The following STXBP4 variants were observed in gnomAD, a reference collection of about 807,000 sequenced individuals.
The protein encoded by STXBP4 is syntaxin-binding protein 4.
In STXBP4, 55 loss-of-function variants were observed where a neutral mutation model predicts 76.1. That is an observed-to-expected ratio of 0.72 (90% CI 0.58 to 0.91). The LOEUF (loss-of-function observed/expected upper bound fraction) is 0.91, where lower values mean the gene tolerates loss of function less well. Ranked by LOEUF, STXBP4 falls within the 40% of genes least tolerant of loss-of-function variation. STXBP4 has a pLI of 0.00. For missense variants in STXBP4, 618 were observed against 636.9 expected (o/e 0.97, Z 0.32); for synonymous variants, 201 against 220.2 (o/e 0.91, Z 0.77).
At chr17:54,993,326 G>A (rs1452959545) in intron 4 of STXBP4, among the ~76,000 whole-genome samples, 1 of 152,166 alleles carries the variant, frequency 6.6e-6, no homozygotes, top group African/African-American at 2.4e-5. Context: ...AAAGGTGTAG[G>A]AGAAGAGGAC....
chr17:55,066,200 TTTG>T (rs1479516002), intron 12 of STXBP4, among the ~76,000 whole-genome samples: 2 of 74,674 alleles, frequency 2.7e-5, no homozygotes, highest in African/African-American at 1.0e-4. Flanking sequence ...GTTTTGTTGT[TTTG>T]TTTTGTTTTG....
chr17:55,078,740 G>T lies in STXBP4; in HGVS notation c.1355+5G>T. The stretch of plus-strand genomic sequence containing the variant: ...TACTCCTTTATCAAATTTAAGGTAA[G>T]AAAATTTAAGTGCTTTTTGCAGAAT... On this transcript the variant is annotated splice_donor_5th_base_variant and intron_variant, in intron 15 of 17. Coordinates refer to ENST00000376352, the MANE Select transcript of STXBP4 (RefSeq NM_178509.6). 1 of 1,477,158 alleles carries T rather than the reference G, an allele frequency of 6.8e-7. No individual in the cohort carries two copies. Among genetic ancestry groups the T allele is most frequent in the South Asian group, 1.2e-5 (1 of 86,596 alleles). 91.5% of individuals were successfully genotyped at this position (1,477,158 alleles called of 1,614,324 possible). A position where few individuals can be genotyped will look rare whatever the true frequency, so the allele number is the denominator to read the frequency against.
chr17:55,048,359 C>G (rs1441005448), intron 12 of STXBP4, among the ~76,000 whole-genome samples: 3 of 151,828 alleles, frequency 2.0e-5, no homozygotes. Context: ...TGCTCTTGAA[C>G]TAAGAACTTT....
intron 17 of STXBP4, among the ~76,000 whole-genome samples, chr17:55,158,642 G>A (rs889059893): frequency 1.3e-5 from 2 of 152,174 alleles, no homozygotes; most frequent in Non-Finnish European, 2.9e-5. Flanking sequence ...CCATTTCCTA[G>A]ACATACCCAA....
chr17:55,039,435 A>G (rs1037105278), intron 10 of STXBP4, among the ~76,000 whole-genome samples: 2 of 152,152 alleles, frequency 1.3e-5, no homozygotes, highest in Non-Finnish European at 2.9e-5. Flanking sequence ...TACTTTACTC[A>G]GTAGTCAGTG....
At chr17:55,208,577 A>AGAAGGAAGGGAGGAAGGAAGGAAGGAAG in the STXBP4 span, among the ~76,000 whole-genome samples, 1 of 90,334 alleles carries the variant, frequency 1.1e-5, no homozygotes, top group Non-Finnish European at 2.1e-5. Context: ...GAGGGAGGGA[A>AGAAGGAAGGGAGGAAGGAAGGAAGGAAG]GAAGGAAGGA....
rs61223151 is a variant in STXBP4, at chr17:54,982,594, TTGTGTGTG to T, written c.-156-2995_-156-2988del. Among the ~76,000 whole-genome samples the T allele has an allele frequency of 3.7e-4, 55 of 149,102 alleles. 1 individual carries two copies. The highest frequency in any genetic ancestry group is 6.9e-3 in the Middle Eastern group (2 of 288). ...TTAATTATGGGAACTTGAGGGTGGTTTGTGTGTGTGTGTGTGTGTGTGTGTGTGTGTGA... is the reference window on the plus strand; with the variant it reads ...TTAATTATGGGAACTTGAGGGTGGTTTGTGTGTGTGTGTGTGTGTGTGTGA... On this transcript the variant is annotated intron_variant, in intron 1 of 17. Transcript: ENST00000376352.
chr17:54,996,275 A>G (rs1001678818), intron 4 of STXBP4, among the ~76,000 whole-genome samples: 5 of 149,604 alleles, frequency 3.3e-5, no homozygotes, highest in African/African-American at 4.9e-5. Context: ...ATATGTGTGA[A>G]AACATTGAGG....
the STXBP4 span, among the ~76,000 whole-genome samples, chr17:55,213,216 C>T: frequency 1.3e-5 from 2 of 152,074 alleles, no homozygotes; most frequent in African/African-American, 4.8e-5. Context: ...TCTGGCAGCA[C>T]AAGAAGACTT....
At chr17:55,016,487 G>C (rs1488306821) in intron 8 of STXBP4, among the ~76,000 whole-genome samples, 2 of 152,190 alleles carry the variant, frequency 1.3e-5, no homozygotes, top group African/African-American at 4.8e-5. Context: ...AGTCAGGATT[G>C]AGATAGTCTT....
intron 1 of STXBP4, among the ~76,000 whole-genome samples, chr17:54,984,904 T>TTA (rs1567702928): frequency 6.6e-6 from 1 of 151,868 alleles, no homozygotes; most frequent in African/African-American, 2.4e-5. Flanking sequence ...ATCTTTTTTT[T>TTA]ATCTTCCAAA....
chr17:55,179,435 C>A, the STXBP4 span, among the ~76,000 whole-genome samples: 1 of 152,142 alleles, frequency 6.6e-6, no homozygotes, highest in Non-Finnish European at 1.5e-5. Flanking sequence ...GAAAGCACAT[C>A]CTTGGGCTGC....
the STXBP4 span, among the ~76,000 whole-genome samples, chr17:55,193,086 G>A: frequency 3.2e-3 from 492 of 152,274 alleles, 4 homozygotes; most frequent in African/African-American, 0.012. Flanking sequence ...ACTCATGAAA[G>A]CTACATAAAG....
rs753985075 is a variant in STXBP4 at position 55,031,270 on chromosome 17, A to G, written c.763+6A>G. The G allele has an allele frequency of 3.8e-6, 6 of 1,593,654 alleles. No homozygotes were observed. Among genetic ancestry groups the G allele is most frequent in the East Asian group, 2.2e-5 (1 of 44,624 alleles). ...AGGGACAGTGTCTTTTGGAGGTAATATTAGGTTTATTGTGTTGTATTATCA... is the reference window on the plus strand; with the variant it reads ...AGGGACAGTGTCTTTTGGAGGTAATGTTAGGTTTATTGTGTTGTATTATCA... On this transcript the variant is annotated splice_donor_region_variant and intron_variant, in intron 9 of 17. Transcript: ENST00000376352.
chr17:55,127,793 C>CTGGACAAGGAGTGTCCAAG, intron 16 of STXBP4, among the ~76,000 whole-genome samples: 1 of 151,916 alleles, frequency 6.6e-6, no homozygotes, highest in African/African-American at 2.4e-5. Flanking sequence ...CACATTTTAC[C>CTGGACAAGGAGTGTCCAAG]TGAAAGTAAT....
At chr17:55,036,044 T>A (rs1483819204) in intron 10 of STXBP4, among the ~76,000 whole-genome samples, 2 of 152,130 alleles carry the variant, frequency 1.3e-5, no homozygotes, top group East Asian at 3.9e-4. Flanking sequence ...CTCTTAGCAA[T>A]TTTCAAAATG....
At chr17:55,195,036 G>T in the STXBP4 span, among the ~76,000 whole-genome samples, 5 of 152,176 alleles carry the variant, frequency 3.3e-5, no homozygotes, top group African/African-American at 1.2e-4. Flanking sequence ...AGCAAGGGAG[G>T]GATGGTGATT....
intron 6 of STXBP4, chr17:55,000,235 G>A: frequency 2.0e-6 from 2 of 985,330 alleles, no homozygotes; most frequent in Non-Finnish European, 2.4e-6. Context: ...CACACAGTGA[G>A]GCTAATCCCA....
intron 17 of STXBP4, among the ~76,000 whole-genome samples, chr17:55,158,920 A>G (rs2080309469): frequency 6.6e-6 from 1 of 152,228 alleles, no homozygotes; most frequent in African/African-American, 2.4e-5. Flanking sequence ...ATAAGAGTTA[A>G]CTTCTCATGG....
Sources: gnomAD v4.1 joint callset for allele counts (sites outside exome capture counted in the v4.1 genomes callset) on GRCh38, gnomAD v4.1.1 for gene constraint, MANE v1.5 for transcripts, NCBI Gene and HGNC (gene_info 2026-07-23, HGNC 2026-07-21) for gene names.